The following ASCC1 variants were observed in gnomAD, a reference collection of about 807,000 sequenced individuals.
The protein encoded by ASCC1 is ASC-1 complex subunit P50.
ASCC1 carries 35 observed loss-of-function variants against 46.6 expected under a neutral mutation model. The observed-to-expected ratio is 0.75, with a 90% confidence interval of 0.57 to 0.99. The LOEUF (loss-of-function observed/expected upper bound fraction) is 0.99, where lower values mean the gene tolerates loss of function less well. ASCC1 is among the 50% of genes least tolerant of loss of function. The pLI is 0.00. For missense variants in ASCC1, 376 were observed against 428.7 expected, an observed-to-expected ratio of 0.88 and a Z score of 1.09; for synonymous variants, 143 against 146.6, an observed-to-expected ratio of 0.98 and a Z score of 0.18.
upstream of ASCC1, chr10:72,217,053 T>A (rs1427588494): frequency 2.2e-6 from 1 of 454,058 alleles, no homozygotes; most frequent in Non-Finnish European, 4.4e-6. Context: ...TTGTTCATCA[T>A]TCATTCATCC....
Position 72,157,160 on chromosome 10 carries a change from C to T in ASCC1, c.627-4172G>A, listed in dbSNP as rs112532792. Among the ~76,000 whole-genome samples, 729 of 152,248 alleles carry T rather than the reference C, an allele frequency of 4.8e-3. 7 individuals carry two copies. The highest frequency in any genetic ancestry group is 0.017 in the Middle Eastern group (5 of 294). ...ACAGCCTTGATCATAATAAGTCTTC[C>T]TATAGCCACCTCTAATAAGAAGTGA... On this transcript the variant is annotated intron_variant, in intron 6 of 9. Transcript: ENST00000672957.
intron 8 of ASCC1, among the ~76,000 whole-genome samples, chr10:72,131,437 A>AACACACAC (rs1554828295): frequency 1.0e-4 from 5 of 49,076 alleles, no homozygotes; most frequent in Non-Finnish European, 1.3e-4. Context: ...ATAAAATAAA[A>AACACACAC]ATACACACAC....
chr10:72,178,819 GAATCTTTCA>G, intron 5 of ASCC1, among the ~76,000 whole-genome samples: 1 of 152,078 alleles, frequency 6.6e-6, no homozygotes, highest in Non-Finnish European at 1.5e-5. Flanking sequence ...TATTTCAACA[GAATCTTTCA>G]TATCAGAGAT....
intron 5 of ASCC1, among the ~76,000 whole-genome samples, chr10:72,179,825 T>G (rs988782251): frequency 4.6e-5 from 7 of 152,188 alleles, no homozygotes; most frequent in African/African-American, 1.7e-4. Context: ...ACACTCAGGC[T>G]AATTTACAAT....
At chr10:72,172,978 C>T (rs534181542) in intron 5 of ASCC1, among the ~76,000 whole-genome samples, 17 of 124,372 alleles carry the variant, frequency 1.4e-4, no homozygotes, top group African/African-American at 4.4e-4. Context: ...ATGTTATATA[C>T]AATATTTTTA....
chr10:72,121,574 A>G (rs1844213452), intron 9 of ASCC1, among the ~76,000 whole-genome samples: 1 of 152,134 alleles, frequency 6.6e-6, no homozygotes, highest in Admixed American at 6.5e-5. Flanking sequence ...CCATTCTAAC[A>G]CTAACTGAAA....
intron 3 of ASCC1, among the ~76,000 whole-genome samples, chr10:72,204,983 G>A (rs1856995664): frequency 6.6e-6 from 1 of 152,170 alleles, no homozygotes; most frequent in African/African-American, 2.4e-5. Flanking sequence ...AAGTGGTTGA[G>A]GTTTAAAAGG....
intron 5 of ASCC1, among the ~76,000 whole-genome samples, chr10:72,180,136 A>G (rs1351677430): frequency 6.6e-6 from 1 of 152,096 alleles, no homozygotes; most frequent in Non-Finnish European, 1.5e-5. Flanking sequence ...AAAATTAGCC[A>G]GGCATGTTGG....
At chr10:72,192,969 A>C (rs1564732056) in intron 5 of ASCC1, among the ~76,000 whole-genome samples, 1 of 152,240 alleles carries the variant, frequency 6.6e-6, no homozygotes, top group Non-Finnish European at 1.5e-5. Flanking sequence ...CAAAAATAAC[A>C]AATAGTGATA....
chr10:72,152,853 C>G lies in ASCC1; in HGVS notation c.746+16G>C, dbSNP rs1399826236. 1.2e-6 allele frequency: 2 copies of G among 1,613,998 alleles called. No homozygotes were observed. The highest frequency in any genetic ancestry group is 1.3e-5 in the African/African-American group (1 of 75,042). ...GTACCTCTTGATTGAAACAAAGAAG[C>G]ATTCCAGAAATATACCTGTTGGAGC... On this transcript the variant is annotated intron_variant, in intron 7 of 9. Transcript: ENST00000672957.
At chr10:72,118,918 G>A (rs561356033) in intron 9 of ASCC1, among the ~76,000 whole-genome samples, 6 of 152,146 alleles carry the variant, frequency 3.9e-5, no homozygotes, top group East Asian at 1.9e-4. Context: ...TTCGGAAGTC[G>A]CCACTCCATC....
intron 9 of ASCC1, among the ~76,000 whole-genome samples, chr10:72,116,424 TA>T (rs1843498967): frequency 6.6e-6 from 1 of 152,242 alleles, no homozygotes; most frequent in Non-Finnish European, 1.5e-5. Context: ...TAAGCTCACT[TA>T]ACAGAGTTCC....
chr10:72,105,970 C>A (rs1053559940), intron 9 of ASCC1, among the ~76,000 whole-genome samples: 23 of 152,056 alleles, frequency 1.5e-4, no homozygotes, highest in African/African-American at 5.3e-4. Context: ...TGACCTCGGG[C>A]TATAGAACCG....
chr10:72,181,592 A>C (rs1852627712), intron 5 of ASCC1, among the ~76,000 whole-genome samples: 1 of 152,144 alleles, frequency 6.6e-6, no homozygotes, highest in East Asian at 1.9e-4. Flanking sequence ...CATGAACCAT[A>C]CATGAGACTT....
rs557871231 is a variant in ASCC1, at chr10:72,184,073, G to A, written c.489+12738C>T. 1.4e-4 allele frequency among the ~76,000 whole-genome samples: 22 copies of A among 152,168 alleles called. No individual in the cohort carries two copies. In the South Asian group the frequency reaches 3.7e-3, roughly 26 times the overall value. ...ACAGGAGAATCGCTTGAACCGGGGAGGCGGAGGTTGCAGTGAGCCGAGACT... is the reference window on the plus strand; with the variant it reads ...ACAGGAGAATCGCTTGAACCGGGGAAGCGGAGGTTGCAGTGAGCCGAGACT... On this transcript the variant is annotated intron_variant, in intron 5 of 9. Transcript: ENST00000672957.
At chr10:72,125,341 T>G (rs894203881) in intron 9 of ASCC1, among the ~76,000 whole-genome samples, 1 of 152,260 alleles carries the variant, frequency 6.6e-6, no homozygotes, top group Non-Finnish European at 1.5e-5. Flanking sequence ...CTGGGCTCCT[T>G]AACAACCAAT....
At chr10:72,208,711 G>C (rs1389308967) in intron 3 of ASCC1, among the ~76,000 whole-genome samples, 1 of 152,110 alleles carries the variant, frequency 6.6e-6, no homozygotes, top group Non-Finnish European at 1.5e-5. Flanking sequence ...AGTGAGCCAA[G>C]ATCATGCCAC....
At chr10:72,110,744 G>A (rs997142470) in intron 9 of ASCC1, among the ~76,000 whole-genome samples, 9 of 152,190 alleles carry the variant, frequency 5.9e-5, no homozygotes, top group African/African-American at 1.4e-4. Flanking sequence ...CTGAGATCAC[G>A]CCATTGCACT....
chr10:72,120,707 A>G (rs776992808), intron 9 of ASCC1, among the ~76,000 whole-genome samples: 10 of 152,182 alleles, frequency 6.6e-5, no homozygotes, highest in African/African-American at 9.6e-5. Context: ...TTTCCTATAT[A>G]GAAGCCAAGA....
Sources: gnomAD v4.1 joint callset for allele counts (sites outside exome capture counted in the v4.1 genomes callset) on GRCh38, gnomAD v4.1.1 for gene constraint, MANE v1.5 for transcripts, NCBI Gene and HGNC (gene_info 2026-07-23, HGNC 2026-07-21) for gene names.